Variants in RNF13 observed in about 807,000 individuals in gnomAD.
RNF13 encodes E3 ubiquitin-protein ligase RNF13.
In RNF13, 19 loss-of-function variants were observed where a neutral mutation model predicts 37.7. The observed-to-expected ratio is 0.50, with a 90% CI of 0.35 to 0.74. The LOEUF (loss-of-function observed/expected upper bound fraction) is 0.74. Among genes scored for constraint, RNF13 ranks in the 30% least tolerant of loss-of-function variants. The pLI, the probability that RNF13 is intolerant of heterozygous loss-of-function variation, is 0.01. For synonymous variants in RNF13, 144 were observed against 157.8 expected, an observed-to-expected ratio of 0.91 and a Z score of 0.65; for missense variants, 375 against 453.0, an observed-to-expected ratio of 0.83 and a Z score of 1.56.
chr3:149,955,641 A>C (rs1334333224), intron 8 of RNF13, among the ~76,000 whole-genome samples: 1 of 152,216 alleles, frequency 6.6e-6, no homozygotes, highest in African/African-American at 2.4e-5. Context: ...TCACTGGCAG[A>C]AGCAGCGAGT....
intron 1 of RNF13, among the ~76,000 whole-genome samples, chr3:149,819,304 T>C (rs746034271): frequency 6.6e-6 from 1 of 152,236 alleles, no homozygotes; most frequent in Non-Finnish European, 1.5e-5. Flanking sequence ...TTGTTGATGC[T>C]ATTTACCGGT....
At chr3:149,912,959 C>T (rs1432008921) in intron 7 of RNF13, among the ~76,000 whole-genome samples, 1 of 152,114 alleles carries the variant, frequency 6.6e-6, no homozygotes, top group Non-Finnish European at 1.5e-5. Flanking sequence ...GAAAATCCCT[C>T]TGTATTCTAT....
chr3:149,890,484 T>C (rs11719798), intron 4 of RNF13, among the ~76,000 whole-genome samples: 38,624 of 152,118 alleles, frequency 0.25, 6,249 homozygotes, highest in Non-Finnish European at 0.36. Context: ...AGGTAATGTT[T>C]AAGCACTGTT....
chr3:149,905,084 A>T lies in RNF13; in HGVS notation c.500+2922A>T, dbSNP rs539300796. On this transcript the variant is annotated intron_variant, in intron 6 of 9. Coordinates refer to ENST00000392894, the MANE Select transcript of RNF13 (RefSeq NM_183381.3). ...CATAACCTTATGCCTAAGTGTTTTC[A>T]TGTTTTTGCCAGTATACTTTTGGAA... Among the ~76,000 whole-genome samples, 11 of 152,270 alleles carry T rather than the reference A, an allele frequency of 7.2e-5. No homozygotes were observed. The East Asian group carries it at 2.1e-3, about 29-fold the overall frequency.
At chr3:149,924,439 AAG>A (rs1718444307) in intron 8 of RNF13, among the ~76,000 whole-genome samples, 1 of 152,290 alleles carries the variant, frequency 6.6e-6, no homozygotes, top group East Asian at 1.9e-4. Flanking sequence ...CATTCAGTAG[AAG>A]AGGAATCAGA....
At chr3:149,934,044 G>A (rs1719442251) in intron 8 of RNF13, among the ~76,000 whole-genome samples, 1 of 152,060 alleles carries the variant, frequency 6.6e-6, no homozygotes, top group Non-Finnish European at 1.5e-5. Flanking sequence ...TTTAATTACT[G>A]TTTCAGTTTC....
intron 6 of RNF13, among the ~76,000 whole-genome samples, chr3:149,904,862 T>G (rs1013509406): frequency 1.3e-5 from 2 of 152,162 alleles, no homozygotes; most frequent in Admixed American, 1.3e-4. Context: ...TCTTCTACCC[T>G]TAGTGCATAA....
At chr3:149,921,469 AG>A (rs1334551942) in intron 8 of RNF13, among the ~76,000 whole-genome samples, 1 of 151,446 alleles carries the variant, frequency 6.6e-6, no homozygotes, top group Admixed American at 6.6e-5. Context: ...ACCCCCCAAC[AG>A]GCCCTGTTGT....
intron 3 of RNF13, among the ~76,000 whole-genome samples, chr3:149,871,431 C>T (rs533114542): frequency 4.7e-5 from 7 of 148,984 alleles, no homozygotes; most frequent in African/African-American, 1.2e-4. Context: ...ATCTCGTGGA[C>T]GTCTTTTCAG....
rs181265717 is a variant in RNF13, at chr3:149,891,659, G to A, written c.322-3814G>A. On this transcript the variant is annotated intron_variant, in intron 4 of 9. Transcript: ENST00000392894. ...AGCTCTGATCAGTCTCCTTAAAAAGGCAGATTGCCAATACAATTTAGAAGG... is the reference window on the plus strand; with the variant it reads ...AGCTCTGATCAGTCTCCTTAAAAAGACAGATTGCCAATACAATTTAGAAGG... Among the ~76,000 whole-genome samples, 105 of 152,306 alleles carry A rather than the reference G, an allele frequency of 6.9e-4. 1 individual carries two copies. The highest frequency in any genetic ancestry group is 1.1e-3 in the Non-Finnish European group (78 of 68,024).
intron 8 of RNF13, among the ~76,000 whole-genome samples, chr3:149,953,870 G>A (rs932486650): frequency 2.0e-5 from 3 of 152,098 alleles, no homozygotes; most frequent in Admixed American, 1.3e-4. Flanking sequence ...GATAGTGCTT[G>A]GCACATAGAA....
chr3:149,927,837 G>A (rs1217047763), intron 8 of RNF13, among the ~76,000 whole-genome samples: 1 of 151,778 alleles, frequency 6.6e-6, no homozygotes, highest in Non-Finnish European at 1.5e-5. Flanking sequence ...TGAGTTATAG[G>A]AGTTCTTTGT....
At chr3:149,896,843 T>G (rs1226459365) in intron 5 of RNF13, among the ~76,000 whole-genome samples, 11 of 152,154 alleles carry the variant, frequency 7.2e-5, no homozygotes, top group African/African-American at 2.7e-4. Flanking sequence ...GTAAAATTTA[T>G]TAATACATTT....
intron 8 of RNF13, among the ~76,000 whole-genome samples, chr3:149,958,936 G>T (rs1722121163): frequency 6.6e-6 from 1 of 152,188 alleles, no homozygotes; most frequent in Admixed American, 6.5e-5. Context: ...TCTCCTGAAT[G>T]TGTGTTTTAA....
At chr3:149,821,049 G>T (rs939577433) in intron 1 of RNF13, among the ~76,000 whole-genome samples, 14 of 152,062 alleles carry the variant, frequency 9.2e-5, no homozygotes, top group Non-Finnish European at 1.9e-4. Flanking sequence ...CTATATATCA[G>T]TTTGTTTATC....
chr3:149,954,794 T>C (rs146517682), intron 8 of RNF13, among the ~76,000 whole-genome samples: 323 of 152,314 alleles, frequency 2.1e-3, no homozygotes, highest in African/African-American at 7.5e-3. Context: ...TTAGTTGTTT[T>C]CTTGCTTCTG....
At chr3:149,925,314 C>T (rs1194852255) in intron 8 of RNF13, among the ~76,000 whole-genome samples, 1 of 152,094 alleles carries the variant, frequency 6.6e-6, no homozygotes, top group African/African-American at 2.4e-5. Flanking sequence ...TCATCCAGTT[C>T]AAGAGATAGA....
chr3:149,940,245 C>A (rs1322034870), intron 8 of RNF13, among the ~76,000 whole-genome samples: 3 of 152,040 alleles, frequency 2.0e-5, no homozygotes, highest in Non-Finnish European at 2.9e-5. Flanking sequence ...TACAACTAAT[C>A]CAATTTGACT....
chr3:149,904,898 CTTGA>C (rs1274240012), intron 6 of RNF13, among the ~76,000 whole-genome samples: 1 of 152,104 alleles, frequency 6.6e-6, no homozygotes, highest in African/African-American at 2.4e-5. Context: ...CTGCTTTTGA[CTTGA>C]TTGTTTATCC....
Sources: gnomAD v4.1 joint callset for allele counts (sites outside exome capture counted in the v4.1 genomes callset) on GRCh38, gnomAD v4.1.1 for gene constraint, MANE v1.5 for transcripts, NCBI Gene and HGNC (gene_info 2026-07-23, HGNC 2026-07-21) for gene names.